Variants in PCNX2 observed in about 807,000 individuals in gnomAD.
PCNX2 encodes the protein pecanex-like protein 2.
In PCNX2, 168 loss-of-function variants were observed where a neutral mutation model predicts 223.8. The ratio of observed to expected loss-of-function variants is 0.75; its 90% CI spans 0.66 to 0.85. The LOEUF is 0.85. PCNX2 is among the 40% of genes least tolerant of loss of function. PCNX2 has a pLI of 0.00. For missense variants in PCNX2, 2,507 were observed against 2,675.5 expected (o/e 0.94, Z 1.39); for synonymous variants, 1,006 against 1,052.6 (o/e 0.96, Z 0.86).
At chr1:233,049,896 A>G (rs1472804568) in intron 25 of PCNX2, among the ~76,000 whole-genome samples, 1 of 152,054 alleles carries the variant, frequency 6.6e-6, no homozygotes, top group Middle Eastern at 3.2e-3. Context: ...CAAATACCTA[A>G]GAATACATCT....
At position 233,218,092 on chromosome 1, in the gene PCNX2, T is replaced by C; in HGVS notation, c.2597A>G (p.Lys866Arg). 1 of 1,578,936 alleles carries C rather than the reference T, an allele frequency of 6.3e-7. No homozygotes were observed. The highest frequency in any genetic ancestry group is 2.3e-5 in the East Asian group (1 of 43,254). ...GFLTLSQGFC[K>R]DMWVLLFCLV... Reference sequence around the variant, plus strand: ...GCAGAAGAGGAGCACCCACATATCTTTGCAAAAGCCTTGGCTCAAGGTCAG... The same window carrying C: ...GCAGAAGAGGAGCACCCACATATCTCTGCAAAAGCCTTGGCTCAAGGTCAG... Residue 866 changes from lysine to arginine, a missense_variant, in exon 11 of 34, where the codon AAA (lysine) becomes AGA (arginine). Lys to Arg is a conservative substitution (Grantham distance 26). Coordinates refer to ENST00000258229, the MANE Select transcript of PCNX2 (RefSeq NM_014801.4).
chr1:233,314,158 A>G, the PCNX2 span, among the ~76,000 whole-genome samples: 1 of 152,232 alleles, frequency 6.6e-6, no homozygotes. Flanking sequence ...GACAGTGAGT[A>G]CTACAGAAAA....
intron 21 of PCNX2, among the ~76,000 whole-genome samples, chr1:233,128,507 G>A (rs1357701789): frequency 3.3e-5 from 5 of 151,952 alleles, no homozygotes; most frequent in Admixed American, 3.3e-4. Context: ...ACTAATTCTT[G>A]TATTTTCAGT....
chr1:233,059,973 GA>G lies in PCNX2; in HGVS notation c.4077-2684del, dbSNP rs1179810083. On this transcript the variant is annotated intron_variant, in intron 23 of 33. Transcript: ENST00000258229. Reference sequence around the variant, plus strand: ...GAATAAATGAAAAGGCTTGTCTTCAGAAAAAAAAAGTATTCTTTCTTTTCAT... The same window carrying G: ...GAATAAATGAAAAGGCTTGTCTTCAGAAAAAAAAGTATTCTTTCTTTTCAT... Among the ~76,000 whole-genome samples, 7 of 151,182 alleles carry G rather than the reference GA, an allele frequency of 4.6e-5. No individual in the cohort carries two copies. The East Asian group carries it at 5.8e-4, about 13-fold the overall frequency.
upstream of PCNX2, among the ~76,000 whole-genome samples, chr1:233,299,395 C>T (rs1173349414): frequency 1.3e-5 from 2 of 152,148 alleles, no homozygotes; most frequent in Admixed American, 6.5e-5. Context: ...CCAACTAAAC[C>T]TTCTATATCA....
At chr1:232,993,675 T>C (rs1307140345) in intron 32 of PCNX2, among the ~76,000 whole-genome samples, 1 of 151,982 alleles carries the variant, frequency 6.6e-6, no homozygotes, top group Non-Finnish European at 1.5e-5. Context: ...TCCAGGGCAT[T>C]TCAGAGATCT....
At chr1:233,091,614 T>G (rs970495968) in intron 22 of PCNX2, among the ~76,000 whole-genome samples, 1 of 151,674 alleles carries the variant, frequency 6.6e-6, no homozygotes, top group Admixed American at 6.6e-5. Flanking sequence ...ACACCTGCAG[T>G]CCCAGCCACA....
At chr1:233,125,004 G>C (rs897980309) in intron 21 of PCNX2, among the ~76,000 whole-genome samples, 25 of 152,156 alleles carry the variant, frequency 1.6e-4, no homozygotes, top group African/African-American at 6.0e-4. Context: ...TTTACAAATA[G>C]GTATTGAGAG....
chr1:233,187,529 G>A (rs1039951359), intron 15 of PCNX2, among the ~76,000 whole-genome samples: 2 of 151,992 alleles, frequency 1.3e-5, no homozygotes, highest in Non-Finnish European at 2.9e-5. Flanking sequence ...GCATGCTCTC[G>A]GGGCTTACTA....
intron 15 of PCNX2, among the ~76,000 whole-genome samples, chr1:233,197,753 G>T (rs1357017680): frequency 1.3e-5 from 2 of 151,688 alleles, no homozygotes; most frequent in African/African-American, 4.9e-5. Flanking sequence ...TTTCACAAAG[G>T]GAAATAAACA....
intron 23 of PCNX2, among the ~76,000 whole-genome samples, chr1:233,088,096 T>G (rs1377260362): frequency 6.6e-6 from 1 of 152,192 alleles, no homozygotes; most frequent in Non-Finnish European, 1.5e-5. Flanking sequence ...GATGGCTGAA[T>G]TTTGGAAGTG....
At chr1:233,221,806 T>C (rs1048381755) in intron 10 of PCNX2, among the ~76,000 whole-genome samples, 6 of 152,032 alleles carry the variant, frequency 3.9e-5, no homozygotes, top group Non-Finnish European at 8.8e-5. Flanking sequence ...ATTGAAAGAA[T>C]AAAGATTACT....
chr1:233,181,875 A>G (rs1426177509), intron 15 of PCNX2, among the ~76,000 whole-genome samples: 1 of 152,168 alleles, frequency 6.6e-6, no homozygotes, highest in Non-Finnish European at 1.5e-5. Flanking sequence ...CTCCAATACC[A>G]TTACATTGGG....
chr1:233,292,365 G>A (rs1345344924), intron 1 of PCNX2, among the ~76,000 whole-genome samples: 2 of 151,650 alleles, frequency 1.3e-5, no homozygotes, highest in East Asian at 1.9e-4. Context: ...GCACCACCAC[G>A]CCCAGCTAAT....
intron 21 of PCNX2, chr1:233,112,699 G>T: frequency 1.5e-6 from 1 of 666,282 alleles, no homozygotes; most frequent in Non-Finnish European, 2.1e-6. Flanking sequence ...GAATGTGTCT[G>T]TGTAGATCTT....
chr1:233,183,128 C>T lies in PCNX2; in HGVS notation c.3067-3953G>A, dbSNP rs529731638. Among the ~76,000 whole-genome samples the T allele has an allele frequency of 1.8e-4, 28 of 152,304 alleles. No homozygotes were observed. In the South Asian group the frequency reaches 5.8e-3, roughly 32 times the overall value. ...TTAGCTCGAACTCAAAGGCAGCTGG[C>T]AACTTTATCCATGTTAGAAAAGACA... On this transcript the variant is annotated intron_variant, in intron 15 of 33. Coordinates refer to ENST00000258229, the MANE Select transcript of PCNX2 (RefSeq NM_014801.4).
chr1:233,103,164 T>C (rs1360434180), intron 21 of PCNX2, among the ~76,000 whole-genome samples: 1 of 152,094 alleles, frequency 6.6e-6, no homozygotes, highest in East Asian at 1.9e-4. Context: ...GCATGGTAGG[T>C]GTATATATTT....
chr1:233,161,172 C>A, intron 18 of PCNX2, 99 bp downstream of exon 18: 1 of 1,124,160 alleles, frequency 8.9e-7, no homozygotes, highest in Admixed American at 2.1e-5. Context: ...TTTTCTTTCT[C>A]TGGCTCACGT....
intron 8 of PCNX2, among the ~76,000 whole-genome samples, chr1:233,239,406 G>A (rs1242520798): frequency 6.6e-6 from 1 of 152,026 alleles, no homozygotes; most frequent in Non-Finnish European, 1.5e-5. Context: ...ATATTTCTTA[G>A]TACATTTCAG....
Sources: allele counts gnomAD v4.1 joint callset (sites outside exome capture counted in the v4.1 genomes callset), GRCh38; gene constraint gnomAD v4.1.1; transcripts MANE v1.5; gene names NCBI Gene and HGNC (gene_info 2026-07-23, HGNC 2026-07-21).